Variants in GPC6 observed in about 807,000 individuals in gnomAD.
GPC6 encodes the protein glypican 6.
In GPC6, 14 loss-of-function variants were observed where a neutral mutation model predicts 55.2. The observed-to-expected ratio is 0.25, with a 90% CI of 0.17 to 0.40. The LOEUF is 0.40. GPC6 is among the 10% of genes least tolerant of loss of function. The pLI is 1.00. For synonymous variants in GPC6, 278 were observed against 259.6 expected (o/e 1.07, Z -0.68); for missense variants, 641 against 708.5 (o/e 0.90, Z 1.08).
chr13:93,460,841 G>T (rs901243677), intron 1 of GPC6, among the ~76,000 whole-genome samples: 1 of 152,032 alleles, frequency 6.6e-6, no homozygotes, highest in African/African-American at 2.4e-5. Flanking sequence ...CCTTACATAG[G>T]CAGTTTTGAG....
At chr13:94,126,042 GC>G (rs1219774404) in intron 4 of GPC6, among the ~76,000 whole-genome samples, 1 of 151,968 alleles carries the variant, frequency 6.6e-6, no homozygotes, top group Non-Finnish European at 1.5e-5. Context: ...TATAAGGAGG[GC>G]ATCATGATAA....
chr13:94,175,156 A>G (rs1888702662), intron 4 of GPC6, among the ~76,000 whole-genome samples: 2 of 152,174 alleles, frequency 1.3e-5, no homozygotes, highest in Admixed American at 6.5e-5. Context: ...GATTCATCTC[A>G]TGTTCTTGCC....
intron 3 of GPC6, among the ~76,000 whole-genome samples, chr13:93,891,972 T>G (rs61964368): frequency 0.66 from 100,305 of 151,754 alleles, 33,648 homozygotes; most frequent in East Asian, 0.81. Flanking sequence ...AATTGTCAAT[T>G]AACAAAGTGT....
intron 1 of GPC6, among the ~76,000 whole-genome samples, chr13:93,540,563 A>G (rs1882253324): frequency 6.6e-6 from 1 of 152,198 alleles, no homozygotes; most frequent in Non-Finnish European, 1.5e-5. Context: ...GCATAAAATA[A>G]TTATACAATT....
In GPC6 at chr13:93,365,441, T is replaced by C. The variant is rs374766581; in HGVS notation, c.160+137825T>C. Among the ~76,000 whole-genome samples, 13 of 152,276 alleles carry C rather than the reference T, an allele frequency of 8.5e-5. No individual in the cohort carries two copies. The South Asian group carries it at 2.7e-3, about 32-fold the overall frequency. ...TTTTGCCTTAACAACAGCTCCATAG[T>C]ACCAATCACTTTGCCTTGTAGGGGT... is the stretch of plus-strand genomic sequence containing the variant. On this transcript the variant is annotated intron_variant, in intron 1 of 8. Coordinates refer to ENST00000377047, the MANE Select transcript of GPC6 (RefSeq NM_005708.5).
chr13:93,725,436 A>G (rs1213659840), intron 2 of GPC6, among the ~76,000 whole-genome samples: 1 of 152,096 alleles, frequency 6.6e-6, no homozygotes, highest in Non-Finnish European at 1.5e-5. Flanking sequence ...AGGGAGAAAT[A>G]TCAAATAAAC....
intron 2 of GPC6, among the ~76,000 whole-genome samples, chr13:93,576,766 A>T (rs1876686776): frequency 6.6e-6 from 1 of 152,184 alleles, no homozygotes; most frequent in South Asian, 2.1e-4. Flanking sequence ...ATTCTGATGA[A>T]TATAATTTCA....
intron 4 of GPC6, among the ~76,000 whole-genome samples, chr13:94,248,021 T>C (rs559792923): frequency 4.1e-4 from 63 of 152,158 alleles, no homozygotes; most frequent in South Asian, 8.3e-4. Context: ...TCTTTTCTTA[T>C]GGTGTCTTTG....
intron 3 of GPC6, among the ~76,000 whole-genome samples, chr13:93,987,713 C>A (rs1881094814): frequency 6.6e-6 from 1 of 152,068 alleles, no homozygotes. Context: ...CACTGTGACC[C>A]CCCTTCTTTT....
At chr13:93,715,084 G>A (rs144778194) in intron 2 of GPC6, among the ~76,000 whole-genome samples, 5 of 151,614 alleles carry the variant, frequency 3.3e-5, no homozygotes, top group East Asian at 2.0e-4. Flanking sequence ...TTATCAGTGC[G>A]GTCTTGTGAC....
intron 3 of GPC6, among the ~76,000 whole-genome samples, chr13:93,871,678 A>G (rs1889137464): frequency 6.6e-6 from 1 of 151,982 alleles, no homozygotes; most frequent in Non-Finnish European, 1.5e-5. Flanking sequence ...TTTTTAGTCC[A>G]AGAAGAATTT....
chr13:93,574,505 C>G (rs1876565039), intron 2 of GPC6, among the ~76,000 whole-genome samples: 1 of 152,130 alleles, frequency 6.6e-6, no homozygotes, highest in African/African-American at 2.4e-5. Flanking sequence ...GCCTCCTGAA[C>G]TGTGAGGCAA....
At chr13:93,975,802 G>C (rs1051685258) in intron 3 of GPC6, among the ~76,000 whole-genome samples, 2 of 152,046 alleles carry the variant, frequency 1.3e-5, no homozygotes, top group African/African-American at 4.8e-5. Context: ...AAATGTATTA[G>C]ATTTTTTAAA....
At chr13:94,058,364 G>C (rs1321051211) in intron 4 of GPC6, among the ~76,000 whole-genome samples, 1 of 152,158 alleles carries the variant, frequency 6.6e-6, no homozygotes, top group Non-Finnish European at 1.5e-5. Flanking sequence ...TTATTTGCTA[G>C]CTAAGGATTA....
At chr13:93,637,389 A>G (rs547742877) in intron 2 of GPC6, among the ~76,000 whole-genome samples, 1 of 152,288 alleles carries the variant, frequency 6.6e-6, no homozygotes, top group East Asian at 1.9e-4. Context: ...AGTGATTAGT[A>G]AGGCAGAGAT....
In GPC6 at chr13:93,843,539, A is replaced by G. The variant is rs114875801; in HGVS notation, c.711+12994A>G. 2.9e-3 allele frequency among the ~76,000 whole-genome samples: 435 copies of G among 152,240 alleles called. 2 individuals are homozygous for G. Among genetic ancestry groups the G allele is most frequent in the African/African-American group, 1.0e-2 (415 of 41,566 alleles). On this transcript the variant is annotated intron_variant, in intron 3 of 8. Transcript: ENST00000377047. Reference sequence around the variant, plus strand: ...AATCTGAATCTATGTCAGATTAAAAACTGGTGGACCTTGGTCCAAACTGGC... The same window carrying G: ...AATCTGAATCTATGTCAGATTAAAAGCTGGTGGACCTTGGTCCAAACTGGC...
chr13:93,332,260 T>TC (rs1879877424), intron 1 of GPC6, among the ~76,000 whole-genome samples: 1 of 145,920 alleles, frequency 6.9e-6, no homozygotes, highest in Non-Finnish European at 1.5e-5. Context: ...TTTCTGTTTT[T>TC]CTTTTTTTTT....
chr13:94,337,080 A>T lies in GPC6; in HGVS notation c.1152+30957A>T, dbSNP rs59573621. Among the ~76,000 whole-genome samples the T allele has an allele frequency of 6.1e-3, 927 of 152,342 alleles. 7 individuals carry two copies. The highest frequency in any genetic ancestry group is 0.021 in the African/African-American group (889 of 41,580). ...CTCCTTCTACTTTCACCCTGTTCAG[A>T]GACAAATCTGTGGCCACCAGCCTCA... On this transcript the variant is annotated intron_variant, in intron 6 of 8. Coordinates refer to ENST00000377047, the MANE Select transcript of GPC6 (RefSeq NM_005708.5).
At chr13:94,150,560 T>C (rs1439753206) in intron 4 of GPC6, among the ~76,000 whole-genome samples, 5 of 152,020 alleles carry the variant, frequency 3.3e-5, no homozygotes, top group Non-Finnish European at 7.4e-5. Flanking sequence ...TCTTATTTGA[T>C]GTCTTTTATC....
Sources: gnomAD v4.1 joint callset for allele counts (sites outside exome capture counted in the v4.1 genomes callset) on GRCh38, gnomAD v4.1.1 for gene constraint, MANE v1.5 for transcripts, NCBI Gene and HGNC (gene_info 2026-07-23, HGNC 2026-07-21) for gene names.